Variants in SORCS2 observed in about 807,000 individuals in gnomAD.
SORCS2 encodes the protein sortilin related VPS10 domain containing receptor 2.
In SORCS2, 100 loss-of-function variants were observed where a neutral mutation model predicts 141.6. The ratio of observed to expected loss-of-function variants is 0.71; its 90% confidence interval spans 0.60 to 0.83. The LOEUF is 0.83. Ranked by LOEUF, SORCS2 falls within the 40% of genes least tolerant of loss-of-function variation. The pLI, the probability that SORCS2 is intolerant of heterozygous loss-of-function variation, is 0.00. For missense variants in SORCS2, 1,646 were observed against 1,560.2 expected (o/e 1.05, Z -0.93); for synonymous variants, 789 against 676.9 (o/e 1.17, Z -2.57).
intron 3 of SORCS2, among the ~76,000 whole-genome samples, chr4:7,589,646 C>T (rs756791419): frequency 2.0e-5 from 3 of 152,184 alleles, no homozygotes; most frequent in Non-Finnish European, 4.4e-5. Context: ...CATGATCTGC[C>T]CACCTCAGCC....
chr4:7,216,920 C>G (rs1002466642), intron 1 of SORCS2, among the ~76,000 whole-genome samples: 1 of 152,220 alleles, frequency 6.6e-6, no homozygotes, highest in African/African-American at 2.4e-5. Flanking sequence ...AGCGGAGTGA[C>G]TCTTCCAATT....
chr4:7,524,590 T>G (rs77817194), intron 2 of SORCS2, among the ~76,000 whole-genome samples: 5,866 of 151,978 alleles, frequency 0.039, 173 homozygotes, highest in South Asian at 0.1. Context: ...GTTTTGTTTT[T>G]TTTTTTTCAT....
chr4:7,616,790 C>A (rs1718791626), intron 3 of SORCS2, among the ~76,000 whole-genome samples: 2 of 152,234 alleles, frequency 1.3e-5, no homozygotes, highest in Non-Finnish European at 2.9e-5. Flanking sequence ...GACTATAAAA[C>A]CATTTAATTA....
At chr4:7,740,143 C>A in intron 26 of SORCS2, 57 bp from the exon 27 acceptor site, 2 of 1,485,616 alleles carry the variant, frequency 1.3e-6, no homozygotes, top group Non-Finnish European at 1.8e-6. Flanking sequence ...TCCCCTGTGG[C>A]CCTGTCTCCA....
chr4:7,310,083 A>G lies in SORCS2; in HGVS notation c.481-86205A>G, dbSNP rs1718088078. Among the ~76,000 whole-genome samples the G allele has an allele frequency of 2.0e-5, 3 of 152,200 alleles. No individual in the cohort carries two copies. The South Asian group carries it at 6.2e-4, about 32-fold the overall frequency. ...TTTGGGGAATTTGGAACTGGGGAGA[A>G]AGAGCTCCCAGGAACAGGAGCAGCA... On this transcript the variant is annotated intron_variant, in intron 1 of 26. Transcript: ENST00000507866.
chr4:7,219,875 C>A (rs1728598053), intron 1 of SORCS2, among the ~76,000 whole-genome samples: 1 of 152,228 alleles, frequency 6.6e-6, no homozygotes, highest in Non-Finnish European at 1.5e-5. Flanking sequence ...CCCGCAGCAG[C>A]CGCACTGTGA....
At chr4:7,208,746 C>T (rs912451833) in intron 1 of SORCS2, among the ~76,000 whole-genome samples, 10 of 152,188 alleles carry the variant, frequency 6.6e-5, no homozygotes, top group African/African-American at 2.2e-4. Context: ...GCTCACCAGG[C>T]ACCCCTCTCT....
At chr4:7,429,891 C>T (rs1184598128) in intron 2 of SORCS2, among the ~76,000 whole-genome samples, 2 of 152,192 alleles carry the variant, frequency 1.3e-5, no homozygotes, top group African/African-American at 4.8e-5. Flanking sequence ...TAAGAATAGT[C>T]CCTGTCTCAC....
intron 1 of SORCS2, among the ~76,000 whole-genome samples, chr4:7,295,021 C>G: frequency 1.3e-3 from 1 of 744 alleles, no homozygotes; most frequent in Non-Finnish European, 3.0e-3. Flanking sequence ...TCCCCCTTCT[C>G]CTCTCCCTCC....
chr4:7,269,610 G>C (rs766050441), intron 1 of SORCS2, among the ~76,000 whole-genome samples: 1 of 152,224 alleles, frequency 6.6e-6, no homozygotes, highest in Non-Finnish European at 1.5e-5. Context: ...AGACAGGCCA[G>C]ATCAGAGCGA....
chr4:7,409,343 G>A (rs1438980410), intron 2 of SORCS2, among the ~76,000 whole-genome samples: 1 of 152,184 alleles, frequency 6.6e-6, no homozygotes, highest in Non-Finnish European at 1.5e-5. Flanking sequence ...GGATTTCTGG[G>A]TAGTGTGGGG....
chr4:7,518,531 A>G (rs1733126205), intron 2 of SORCS2, among the ~76,000 whole-genome samples: 1 of 152,122 alleles, frequency 6.6e-6, no homozygotes, highest in African/African-American at 2.4e-5. Flanking sequence ...GCCTCATTCT[A>G]TTTGGGTCTC....
chr4:7,695,830 T>G (rs184486970), intron 11 of SORCS2, among the ~76,000 whole-genome samples: 28 of 2,864 alleles, frequency 9.8e-3, no homozygotes, highest in Admixed American at 0.014. Flanking sequence ...ATGGATGGAT[T>G]GGTGGGTGGG....
At chr4:7,503,896 G>A (rs973567747) in intron 2 of SORCS2, among the ~76,000 whole-genome samples, 5 of 152,310 alleles carry the variant, frequency 3.3e-5, no homozygotes, top group South Asian at 2.1e-4. Context: ...GGTTGGCAGC[G>A]TCGGGGGGCT....
At chr4:7,565,569 G>T (rs1404049511) in intron 3 of SORCS2, among the ~76,000 whole-genome samples, 1 of 152,182 alleles carries the variant, frequency 6.6e-6, no homozygotes, top group East Asian at 1.9e-4. Context: ...CAATCACGAT[G>T]ATGATGGTGA....
intron 3 of SORCS2, among the ~76,000 whole-genome samples, chr4:7,575,955 A>G (rs1715722119): frequency 6.6e-6 from 1 of 152,232 alleles, no homozygotes; most frequent in South Asian, 2.1e-4. Context: ...TAATTAAGAA[A>G]TTAGTTTTTT....
intron 12 of SORCS2, among the ~76,000 whole-genome samples, chr4:7,699,505 T>C (rs1287802900): frequency 6.6e-6 from 1 of 151,704 alleles, no homozygotes; most frequent in Admixed American, 6.6e-5. Context: ...CAAAGGGAAA[T>C]TGCACTCCAG....
chr4:7,248,647 AT>A (rs1212022709), intron 1 of SORCS2, among the ~76,000 whole-genome samples: 1 of 152,150 alleles, frequency 6.6e-6, no homozygotes, highest in African/African-American at 2.4e-5. Context: ...TGACTAGTCT[AT>A]TTTTTAAGGT....
chr4:7,559,070 G>A (rs561079407), intron 3 of SORCS2, among the ~76,000 whole-genome samples: 2 of 152,150 alleles, frequency 1.3e-5, no homozygotes, highest in Non-Finnish European at 2.9e-5. Context: ...CTTGTTGGGG[G>A]ATGAGTCCCC....
Sources: gnomAD v4.1 joint callset for allele counts (sites outside exome capture counted in the v4.1 genomes callset) on GRCh38, gnomAD v4.1.1 for gene constraint, MANE v1.5 for transcripts, NCBI Gene and HGNC (gene_info 2026-07-23, HGNC 2026-07-21) for gene names.